The following BRD10 variants were observed in gnomAD, a reference collection of about 807,000 sequenced individuals.
BRD10 encodes bromodomain containing 10.
chr9:5,992,714 CCCTT>C, the BRD10 span, among the ~76,000 whole-genome samples: 4 of 41,944 alleles, frequency 9.5e-5, no homozygotes, highest in Non-Finnish European at 7.6e-4. Context: ...TTCTTTCTCC[CCCTT>C]TTTTTTTTTT....
the BRD10 span, chr9:6,008,224 CCGCAG>C: frequency 5.1e-6 from 5 of 978,268 alleles, no homozygotes; most frequent in Non-Finnish European, 6.1e-6. Context: ...CCGGAGGGGG[CCGCAG>C]CGGCGGCTCC....
chr9:5,927,186 C>G, the BRD10 span, among the ~76,000 whole-genome samples: 2 of 152,120 alleles, frequency 1.3e-5, no homozygotes, highest in Non-Finnish European at 2.9e-5. Flanking sequence ...CTTCTTATTT[C>G]AAGAAAAATG....
the BRD10 span, chr9:5,920,844 G>A: frequency 6.2e-7 from 1 of 1,613,940 alleles, no homozygotes; most frequent in Non-Finnish European, 8.5e-7. Flanking sequence ...GATGATGCAA[G>A]GTGTCCTGTT....
the BRD10 span, chr9:5,922,884 G>T: frequency 1.2e-6 from 2 of 1,613,980 alleles, no homozygotes; most frequent in Non-Finnish European, 1.7e-6. Context: ...GATAAAACTG[G>T]TTTTTCCACA....
the BRD10 span, among the ~76,000 whole-genome samples, chr9:5,972,066 C>T: frequency 6.6e-6 from 1 of 151,980 alleles, no homozygotes; most frequent in Non-Finnish European, 1.5e-5. Context: ...GGTACATGAA[C>T]AACAACAACA....
At chr9:5,965,004 T>A in the BRD10 span, among the ~76,000 whole-genome samples, 1 of 142,412 alleles carries the variant, frequency 7.0e-6, no homozygotes, top group East Asian at 2.1e-4. Context: ...CATGTATACA[T>A]ATGTAACTAA....
the BRD10 span, among the ~76,000 whole-genome samples, chr9:5,966,064 G>T: frequency 1.4e-3 from 215 of 152,274 alleles, 1 homozygote; most frequent in African/African-American, 4.7e-3. Context: ...AAACATTTTT[G>T]TCACTTAAGA....
chr9:5,951,233 C>T, the BRD10 span, among the ~76,000 whole-genome samples: 10 of 151,698 alleles, frequency 6.6e-5, no homozygotes, highest in Middle Eastern at 3.2e-3. Context: ...AATAGGGGGG[C>T]AAGTTCAAGT....
chr9:5,998,407 A>G, the BRD10 span, among the ~76,000 whole-genome samples: 2 of 152,264 alleles, frequency 1.3e-5, no homozygotes, highest in East Asian at 3.9e-4. Flanking sequence ...TATACACATA[A>G]CATTTTAATA....
the BRD10 span, among the ~76,000 whole-genome samples, chr9:5,914,773 T>C: frequency 6.4e-4 from 98 of 152,224 alleles, no homozygotes; most frequent in Non-Finnish European, 1.5e-4. Context: ...GATCATTCCA[T>C]GAGACTCCCA....
the BRD10 span, chr9:5,988,232 T>C: frequency 4.0e-5 from 28 of 708,838 alleles, no homozygotes; most frequent in East Asian, 7.3e-4. Flanking sequence ...CATTATGAAT[T>C]CATACTTTTG....
chr9:5,951,367 CTCTA>C, the BRD10 span, among the ~76,000 whole-genome samples: 2 of 151,770 alleles, frequency 1.3e-5, no homozygotes, highest in Admixed American at 6.6e-5. Context: ...TTTCATTTAT[CTCTA>C]TCTAAGCATG....
At chr9:5,909,022 C>A in the BRD10 span, 2 of 326,124 alleles carry the variant, frequency 6.1e-6, no homozygotes, top group Non-Finnish European at 1.1e-5. Flanking sequence ...TATTCTGGGG[C>A]CATCCAATTT....
the BRD10 span, among the ~76,000 whole-genome samples, chr9:5,928,318 C>A: frequency 6.6e-6 from 1 of 152,176 alleles, no homozygotes; most frequent in Non-Finnish European, 1.5e-5. Context: ...ATACTGGTTT[C>A]CCTGCTTTCA....
chr9:5,982,605 G>T, the BRD10 span, among the ~76,000 whole-genome samples: 1 of 152,210 alleles, frequency 6.6e-6, no homozygotes, highest in African/African-American at 2.4e-5. Flanking sequence ...GCAGAGAGTT[G>T]CCATCAGCAA....
At chr9:5,889,895 C>T in the BRD10 span, among the ~76,000 whole-genome samples, 1 of 152,174 alleles carries the variant, frequency 6.6e-6, no homozygotes, top group Non-Finnish European at 1.5e-5. Context: ...CATATTCTAC[C>T]TGCAAAAAGA....
the BRD10 span, among the ~76,000 whole-genome samples, chr9:5,886,884 C>T: frequency 6.6e-6 from 1 of 152,228 alleles, no homozygotes; most frequent in Non-Finnish European, 1.5e-5. Context: ...AAGGGCCAGG[C>T]ACCTCAGAAG....
chr9:5,922,794 T>C, the BRD10 span: 2 of 1,613,990 alleles, frequency 1.2e-6, no homozygotes, highest in South Asian at 1.1e-5. Flanking sequence ...CCACAGGGCA[T>C]TTTGTATACC....
chr9:6,007,918 A>C, the BRD10 span: 9 of 1,335,334 alleles, frequency 6.7e-6, no homozygotes, highest in Non-Finnish European at 8.6e-6. Context: ...GGCTCTCCTC[A>C]GCCGCCGGCT....
Sources: gnomAD v4.1 joint callset for allele counts (sites outside exome capture counted in the v4.1 genomes callset) on GRCh38, gnomAD v4.1.1 for gene constraint, MANE v1.5 for transcripts, NCBI Gene and HGNC (gene_info 2026-07-23, HGNC 2026-07-21) for gene names.